The following SGIP1 variants were observed in gnomAD, a reference collection of about 807,000 sequenced individuals.
SGIP1 encodes the protein SH3GL interacting endocytic adaptor 1, also known as SH3-containing GRB2-like protein 3-interacting protein 1.
SGIP1 carries 38 observed loss-of-function variants against 107.5 expected under a neutral mutation model. The observed-to-expected ratio is 0.35, with a 90% CI of 0.27 to 0.46. SGIP1 has a LOEUF of 0.46. Ranked by LOEUF, SGIP1 falls within the 20% of genes least tolerant of loss-of-function variation. The pLI is 1.00. For missense variants in SGIP1, 929 were observed against 1,019.5 expected, an observed-to-expected ratio of 0.91 and a Z score of 1.21; for synonymous variants, 365 against 366.1, an observed-to-expected ratio of 1.00 and a Z score of 0.03.
upstream of SGIP1, chr1:66,534,105 A>T: frequency 1.7e-6 from 1 of 580,264 alleles, no homozygotes; most frequent in Non-Finnish European, 3.1e-6. Flanking sequence ...GAGGCAGCGC[A>T]GGCGGTGCAG....
intron 1 of SGIP1, among the ~76,000 whole-genome samples, chr1:66,585,643 G>GT (rs755183196): frequency 6.6e-6 from 1 of 151,174 alleles, no homozygotes; most frequent in Non-Finnish European, 1.5e-5. Flanking sequence ...AATTTTTGTG[G>GT]TTTTTTGTTT....
intron 1 of SGIP1, among the ~76,000 whole-genome samples, chr1:66,538,807 A>G (rs2054214750): frequency 6.6e-6 from 1 of 152,222 alleles, no homozygotes; most frequent in South Asian, 2.1e-4. Context: ...ATCAAATAGA[A>G]GAAAATTATG....
chr1:66,559,951 G>A (rs764194960), intron 1 of SGIP1, among the ~76,000 whole-genome samples: 44 of 151,936 alleles, frequency 2.9e-4, no homozygotes, highest in Non-Finnish European at 5.7e-4. Flanking sequence ...GTCTAAATTA[G>A]GCTGGAAAGA....
intron 1 of SGIP1, among the ~76,000 whole-genome samples, chr1:66,608,186 A>T (rs531303053): frequency 6.6e-6 from 1 of 152,286 alleles, no homozygotes; most frequent in African/African-American, 2.4e-5. Context: ...CAAAGTGGAG[A>T]TGATTACACC....
At chr1:66,538,106 A>G (rs1025774615) in intron 1 of SGIP1, among the ~76,000 whole-genome samples, 10 of 152,186 alleles carry the variant, frequency 6.6e-5, no homozygotes, top group African/African-American at 2.4e-4. Context: ...AAGAGTAACT[A>G]AACTTCTGTT....
intron 7 of SGIP1, among the ~76,000 whole-genome samples, chr1:66,650,817 G>A (rs1231787766): frequency 6.6e-6 from 1 of 152,048 alleles, no homozygotes; most frequent in Non-Finnish European, 1.5e-5. Context: ...TTGTTTTTCA[G>A]AGAGCCAATA....
intron 1 of SGIP1, among the ~76,000 whole-genome samples, chr1:66,578,086 C>T (rs928650328): frequency 6.6e-6 from 1 of 151,902 alleles, no homozygotes; most frequent in African/African-American, 2.4e-5. Context: ...AATTTTTTTC[C>T]ATTTTTAGAA....
chr1:66,572,486 G>T (rs1280787838), intron 1 of SGIP1, among the ~76,000 whole-genome samples: 1 of 151,894 alleles, frequency 6.6e-6, no homozygotes, highest in Non-Finnish European at 1.5e-5. Context: ...TTAGTTCCTT[G>T]GGTTCCTCCC....
chr1:66,550,656 G>A (rs191338884), intron 1 of SGIP1, among the ~76,000 whole-genome samples: 67 of 152,204 alleles, frequency 4.4e-4, no homozygotes, highest in African/African-American at 1.4e-3. Flanking sequence ...GAGCTCCTGC[G>A]ACATGCCGGA....
chr1:66,646,366 A>G (rs1428105291), intron 7 of SGIP1, among the ~76,000 whole-genome samples: 2 of 152,192 alleles, frequency 1.3e-5, no homozygotes, highest in African/African-American at 4.8e-5. Context: ...TTTTATTTAA[A>G]CTATGGTTTT....
chr1:66,690,908 C>T (rs140334448), intron 17 of SGIP1, among the ~76,000 whole-genome samples: 16 of 152,280 alleles, frequency 1.1e-4, no homozygotes, highest in African/African-American at 3.6e-4. Context: ...CTTTATGCCT[C>T]TTTCCTTATG....
chr1:66,737,989 G>C (rs557200692), intron 21 of SGIP1, among the ~76,000 whole-genome samples: 3 of 152,130 alleles, frequency 2.0e-5, no homozygotes, highest in African/African-American at 7.2e-5. Flanking sequence ...CCCAGGTAGA[G>C]GAACTATAAT....
chr1:66,597,230 G>T (rs931415441), intron 1 of SGIP1, among the ~76,000 whole-genome samples: 1 of 152,072 alleles, frequency 6.6e-6, no homozygotes, highest in Non-Finnish European at 1.5e-5. Context: ...CCTGAAGTAG[G>T]CCCCAATGTC....
At chr1:66,695,290 C>T (rs1441759464) in intron 17 of SGIP1, 144 bp from the exon 18 acceptor site, 9 of 1,302,918 alleles carry the variant, frequency 6.9e-6, no homozygotes, top group Non-Finnish European at 9.0e-6. Flanking sequence ...TGCCAGCCTT[C>T]CCTTTTTCCT....
At chr1:66,554,399 A>G (rs567201453) in intron 1 of SGIP1, among the ~76,000 whole-genome samples, 8 of 152,156 alleles carry the variant, frequency 5.3e-5, no homozygotes, top group East Asian at 1.9e-4. Flanking sequence ...GTCTGCCTAT[A>G]TGTTATCCAT....
At chr1:66,547,595 A>G (rs12025668) in intron 1 of SGIP1, among the ~76,000 whole-genome samples, 25,681 of 152,160 alleles carry the variant, frequency 0.17, 2,428 homozygotes, top group East Asian at 0.37. Context: ...AATTTTAACT[A>G]AGACACATAG....
chr1:66,741,195 C>T, intron 23 of SGIP1, 77 bp from the exon 24 acceptor site: 1 of 1,420,116 alleles, frequency 7.0e-7, no homozygotes, highest in East Asian at 2.5e-5. Flanking sequence ...TGTACGTTAA[C>T]TTTTGAATGC....
rs2094575201 is a variant in SGIP1, at chr1:66,747,980, T to C, written c.*4885T>C. ...AGCTTTGAAAGTTAATATAATATGA[T>C]GTGTCCATGCAATGAGTCAAATTAG... On this transcript the variant is annotated 3_prime_UTR_variant, in exon 25 of 25. Transcript: ENST00000371037. 1 of 151,996 alleles carries C rather than the reference T, an allele frequency of 6.6e-6. No homozygotes were observed. Among genetic ancestry groups the C allele is most frequent in the Admixed American group, 6.6e-5 (1 of 15,256 alleles). 9.4% of individuals were successfully genotyped at this position (151,996 alleles called of 1,614,324 possible).
intron 7 of SGIP1, among the ~76,000 whole-genome samples, chr1:66,658,231 T>G (rs1252430841): frequency 6.6e-6 from 1 of 152,218 alleles, no homozygotes; most frequent in Non-Finnish European, 1.5e-5. Context: ...ACTACAAGGA[T>G]GTAGTCCCTT....
Sources: allele counts gnomAD v4.1 joint callset (sites outside exome capture counted in the v4.1 genomes callset), GRCh38; gene constraint gnomAD v4.1.1; transcripts MANE v1.5; gene names NCBI Gene and HGNC (gene_info 2026-07-23, HGNC 2026-07-21).